The following ZNF407 variants were observed in gnomAD, a reference collection of about 807,000 sequenced individuals.
ZNF407 encodes zinc finger protein 407.
A neutral mutation model predicts 131.2 loss-of-function variants in ZNF407; 17 were observed. The ratio of observed to expected loss-of-function variants is 0.13; its 90% CI spans 0.09 to 0.19. The LOEUF is 0.19. Ranked by LOEUF, ZNF407 falls within the 10% of genes least tolerant of loss-of-function variation. The pLI, the probability that ZNF407 is intolerant of heterozygous loss-of-function variation, is 1.00. For missense variants in ZNF407, 2,681 were observed against 2,830.6 expected (o/e 0.95, Z 1.20); for synonymous variants, 1,156 against 1,062.0 (o/e 1.09, Z -1.72).
chr18:74,923,222 GTTTC>G (rs1246092317), intron 8 of ZNF407, among the ~76,000 whole-genome samples: 1 of 151,030 alleles, frequency 6.6e-6, no homozygotes, highest in Non-Finnish European at 1.5e-5. Context: ...GACAAAAGTG[GTTTC>G]TTTATTTTTT....
intron 8 of ZNF407, among the ~76,000 whole-genome samples, chr18:75,032,692 G>T (rs187634647): frequency 3.3e-5 from 5 of 150,818 alleles, no homozygotes; most frequent in Admixed American, 2.0e-4. Context: ...TGCTCAGAAT[G>T]GGGGGAAGAT....
intron 3 of ZNF407, among the ~76,000 whole-genome samples, chr18:74,766,966 C>T (rs550344198): frequency 5.9e-5 from 9 of 152,226 alleles, no homozygotes; most frequent in Admixed American, 3.3e-4. Context: ...GGCTGGAGTG[C>T]GGTGGCACAG....
chr18:75,027,549 A>G (rs1973185979), intron 8 of ZNF407, among the ~76,000 whole-genome samples: 2 of 152,264 alleles, frequency 1.3e-5, no homozygotes, highest in Non-Finnish European at 2.9e-5. Flanking sequence ...AGTGGGTTGG[A>G]TATGGAAGGT....
intron 3 of ZNF407, among the ~76,000 whole-genome samples, chr18:74,766,009 C>CTGTGTG (rs58103313): frequency 1.3e-5 from 2 of 148,198 alleles, no homozygotes; most frequent in African/African-American, 5.0e-5. Flanking sequence ...GCATATTACT[C>CTGTGTG]TGTGTGTGTG....
chr18:74,723,887 C>G (rs539113582), intron 3 of ZNF407, among the ~76,000 whole-genome samples: 1 of 127,418 alleles, frequency 7.8e-6, no homozygotes, highest in Non-Finnish European at 1.5e-5. Flanking sequence ...GACCTTCATA[C>G]AGTTATTTAA....
At chr18:75,024,638 C>G (rs1046648514) in intron 8 of ZNF407, among the ~76,000 whole-genome samples, 1 of 152,146 alleles carries the variant, frequency 6.6e-6, no homozygotes, top group Non-Finnish European at 1.5e-5. Flanking sequence ...AAGGAATTAT[C>G]TTGAATAATT....
intron 4 of ZNF407, among the ~76,000 whole-genome samples, chr18:74,786,810 T>G (rs1279296852): frequency 2.2e-5 from 3 of 137,660 alleles, no homozygotes; most frequent in East Asian, 4.2e-4. Flanking sequence ...TTTTTTTTTT[T>G]TTTTTTTTTT....
In ZNF407 at chr18:75,060,633, G is replaced by T. The variant is rs543215482; in HGVS notation, c.5429-2517G>T. On this transcript the variant is annotated intron_variant, in intron 8 of 8. Transcript: ENST00000299687. ...CCATTCTCCTGCCTCAGCCTCCCGA[G>T]TAGCTGGGATTACAGGCACCCGCCA... Among the ~76,000 whole-genome samples the T allele has an allele frequency of 2.6e-5, 4 of 151,004 alleles. No homozygotes were observed. The South Asian group carries it at 8.4e-4, about 32-fold the overall frequency.
intron 3 of ZNF407, among the ~76,000 whole-genome samples, chr18:74,678,463 C>T (rs1265229910): frequency 6.6e-6 from 1 of 152,202 alleles, no homozygotes; most frequent in Non-Finnish European, 1.5e-5. Context: ...CGCACCTAGG[C>T]CCTGATGGCT....
intron 8 of ZNF407, among the ~76,000 whole-genome samples, chr18:74,973,649 A>G (rs1353355336): frequency 6.6e-6 from 1 of 152,216 alleles, no homozygotes; most frequent in Non-Finnish European, 1.5e-5. Context: ...CGCCATAACA[A>G]AATGAGGGCC....
chr18:74,877,114 CAG>C (rs1971168824), intron 4 of ZNF407, 81 bp from the exon 5 acceptor site: 1 of 1,261,718 alleles, frequency 7.9e-7, no homozygotes, highest in East Asian at 2.3e-5. Context: ...CACCGCACCT[CAG>C]GGTTCGCACA....
chr18:74,745,016 A>G (rs918447264), intron 3 of ZNF407, among the ~76,000 whole-genome samples: 4 of 152,118 alleles, frequency 2.6e-5, no homozygotes, highest in Non-Finnish European at 5.9e-5. Flanking sequence ...AGCATTTCTT[A>G]GAGAATAGGC....
At chr18:74,639,543 T>C (rs951703222) in intron 2 of ZNF407, among the ~76,000 whole-genome samples, 10 of 152,238 alleles carry the variant, frequency 6.6e-5, no homozygotes, top group Non-Finnish European at 1.3e-4. Context: ...ATGTGACTGA[T>C]AGAATGTGAT....
Position 74,610,630 on chromosome 18 carries a change from A to G in ZNF407, c.-54+12693A>G, listed in dbSNP as rs530886857. Among the ~76,000 whole-genome samples the G allele has an allele frequency of 8.6e-5, 13 of 151,956 alleles. No homozygotes were observed. The East Asian group carries it at 2.5e-3, about 29-fold the overall frequency. ...CAATGGCTCATCTCGGCTCACTGCAACCTCCGCCTCCCTGGCCCAAACAAT... is the reference window on the plus strand; with the variant it reads ...CAATGGCTCATCTCGGCTCACTGCAGCCTCCGCCTCCCTGGCCCAAACAAT... On this transcript the variant is annotated intron_variant, in intron 1 of 8. Transcript: ENST00000299687.
intron 4 of ZNF407, among the ~76,000 whole-genome samples, chr18:74,799,277 A>C (rs1229217698): frequency 6.6e-6 from 1 of 152,116 alleles, no homozygotes; most frequent in Non-Finnish European, 1.5e-5. Context: ...AAATATGTAA[A>C]TTCAGTATTT....
chr18:74,686,947 C>T (rs1967110199), intron 3 of ZNF407, among the ~76,000 whole-genome samples: 1 of 152,120 alleles, frequency 6.6e-6, no homozygotes, highest in South Asian at 2.1e-4. Flanking sequence ...ATTAGGTACC[C>T]GTACTTTTCT....
intron 8 of ZNF407, among the ~76,000 whole-genome samples, chr18:75,036,107 G>A (rs1219647185): frequency 6.6e-6 from 1 of 152,126 alleles, no homozygotes; most frequent in African/African-American, 2.4e-5. Context: ...TGTAATCATT[G>A]TAGTCATCCT....
intron 3 of ZNF407, among the ~76,000 whole-genome samples, chr18:74,744,662 AG>A (rs1440601288): frequency 6.6e-6 from 1 of 152,116 alleles, no homozygotes; most frequent in Non-Finnish European, 1.5e-5. Context: ...AAAGAAACAA[AG>A]CATTGGGGGA....
chr18:74,699,635 T>TA lies in ZNF407; in HGVS notation c.4802+58514dup, dbSNP rs574100227. On this transcript the variant is annotated intron_variant, in intron 3 of 8. Transcript: ENST00000299687. ...AGTGAGTATTTTACAAGTTAATCCT[T>TA]ACTGTCCTGCTTGCTGGCCTTGGTC... Among the ~76,000 whole-genome samples the TA allele has an allele frequency of 2.4e-4, 37 of 152,284 alleles. 1 individual carries two copies. In the East Asian group the frequency reaches 6.4e-3, roughly 26 times the overall value.
Sources: allele counts gnomAD v4.1 joint callset (sites outside exome capture counted in the v4.1 genomes callset), GRCh38; gene constraint gnomAD v4.1.1; transcripts MANE v1.5; gene names NCBI Gene and HGNC (gene_info 2026-07-23, HGNC 2026-07-21).